The following VWA7 variants were observed in gnomAD, a reference collection of about 807,000 sequenced individuals.
VWA7 encodes the protein von Willebrand factor A domain-containing protein 7.
A neutral mutation model predicts 83.1 loss-of-function variants in VWA7; 66 were observed. The observed-to-expected ratio is 0.79, with a 90% CI of 0.65 to 0.98. The LOEUF (loss-of-function observed/expected upper bound fraction) is 0.98, where lower values mean the gene tolerates loss of function less well. VWA7 is among the 50% of genes least tolerant of loss of function. The pLI is 0.00. For missense variants in VWA7, 1,080 were observed against 1,160.2 expected, an observed-to-expected ratio of 0.93 and a Z score of 1.00; for synonymous variants, 424 against 488.5, an observed-to-expected ratio of 0.87 and a Z score of 1.74.
intron 4 of VWA7, 116 bp from the exon 5 acceptor site, chr6:31,774,742 G>A: frequency 1.3e-6 from 1 of 790,070 alleles, no homozygotes; most frequent in South Asian, 1.8e-5. Flanking sequence ...ACACCCAGAA[G>A]TTCCCTAGCA....
At position 31,769,247 on chromosome 6, in the gene VWA7, A is replaced by G. The variant is rs758230348; in HGVS notation, c.1318-44T>C. On this transcript the variant is annotated intron_variant, in intron 9 of 16. Coordinates refer to ENST00000375688, the MANE Select transcript of VWA7 (RefSeq NM_025258.3). This position sits in a 1 kb window ranked among gnomAD's most constrained non-coding sequence, Gnocchi z 4.5. ...TCAGTGATTGGGGTGTCCAAGTGCC[A>G]TCCACTATTATGAATGAGAATCCCT... 14 of 1,581,324 alleles carry G rather than the reference A, an allele frequency of 8.9e-6. No homozygotes were observed. The South Asian group carries it at 1.2e-4, about 14-fold the overall frequency.
chr6:31,770,614 G>A (rs1279678091), intron 7 of VWA7, among the ~76,000 whole-genome samples: 1 of 148,520 alleles, frequency 6.7e-6, no homozygotes, highest in Non-Finnish European at 1.5e-5. Flanking sequence ...GCAGGGCGGG[G>A]CAGGGCGGGG....
Position 31,769,672 on chromosome 6 carries a change from C to T in VWA7, c.1317+3G>A, listed in dbSNP as rs1811977522. ...CACTGGGTCTCCCACTAGCTCTGCT[C>T]ACCCGGCAGCGCCGCTCCTGAGTCA... On this transcript the variant is annotated splice_donor_region_variant and intron_variant, in intron 9 of 16. Transcript: ENST00000375688. The surrounding 1 kb of genome is among the most constrained non-coding windows in gnomAD (Gnocchi z 4.5). The T allele has an allele frequency of 6.2e-7, 1 of 1,611,652 alleles. No homozygotes were observed. The highest frequency in any genetic ancestry group is 2.2e-5 in the East Asian group (1 of 44,876).
chr6:31,767,323 G>A, intron 12 of VWA7, 39 bp downstream of exon 12: 2 of 1,613,228 alleles, frequency 1.2e-6, no homozygotes, highest in Non-Finnish European at 1.7e-6. Flanking sequence ...GAGGCCTGCA[G>A]TCTCTGCTTC....
chr6:31,774,449 C>T, intron 5 of VWA7, 67 bp downstream of exon 5: 4 of 1,479,476 alleles, frequency 2.7e-6, no homozygotes, highest in Non-Finnish European at 3.7e-6. Context: ...TACGGGCCTA[C>T]AGGACAGAGA....
At position 31,777,170 on chromosome 6, in the gene VWA7, A is replaced by G; in HGVS notation, c.-77T>C. 1 of 364,030 alleles carries G rather than the reference A, an allele frequency of 2.7e-6. No individual in the cohort carries two copies. The highest frequency in any genetic ancestry group is 5.0e-6 in the Non-Finnish European group (1 of 200,760). 22.5% of individuals were successfully genotyped at this position (364,030 alleles called of 1,614,324 possible). On this transcript the variant is annotated 5_prime_UTR_variant, in exon 1 of 17. Transcript: ENST00000375688. The surrounding 1 kb of genome is among the most constrained non-coding windows in gnomAD (Gnocchi z 5.8). ...CTTGACGTCACAGGGCACTTAGGTC[A>G]GAGTTATAATTAACCGAGGCTCAGC...
In VWA7 at chr6:31,775,271, TGG is replaced by T; in HGVS notation, c.610+60_610+61del. ...TCTGGGACTTCAGAATGTGACACAG[TGG>T]CTGGGTGGACTGAGGTGGCCCTGTG... On this transcript the variant is annotated intron_variant, in intron 4 of 16. Transcript: ENST00000375688. This position sits in a 1 kb window ranked among gnomAD's most constrained non-coding sequence, Gnocchi z 5.9. The T allele has an allele frequency of 2.1e-6, 3 of 1,411,602 alleles. No homozygotes were observed. In the Admixed American group the frequency reaches 6.0e-5, roughly 28 times the overall value. 87.4% of individuals were successfully genotyped at this position (1,411,602 alleles called of 1,614,324 possible).
chr6:31,777,282 A>G lies in VWA7; in HGVS notation c.-189T>C. The G allele has an allele frequency of 2.0e-6, 1 of 504,134 alleles. No individual in the cohort carries two copies. The highest frequency in any genetic ancestry group is 3.6e-6 in the Non-Finnish European group (1 of 281,622). The allele number at this position is 504,134 out of a possible 1,614,324, so 31.2% of individuals were successfully genotyped here. A position where few individuals can be genotyped will look rare whatever the true frequency, so the allele number is the denominator to read the frequency against. On this transcript the variant is annotated 5_prime_UTR_variant, in exon 1 of 17. Coordinates refer to ENST00000375688, the MANE Select transcript of VWA7 (RefSeq NM_025258.3). The surrounding 1 kb of genome is among the most constrained non-coding windows in gnomAD (Gnocchi z 5.8). ...CTGCCTGCCCAAAGCCACAGGCAGC[A>G]GCCCACGCCAGGGCGGGCCTCCCTT...
chr6:31,769,855 G>A lies in VWA7; in HGVS notation c.1201-64C>T. On this transcript the variant is annotated intron_variant, in intron 8 of 16. Transcript: ENST00000375688. This position sits in a 1 kb window ranked among gnomAD's most constrained non-coding sequence, Gnocchi z 4.5. ...TAGGAGGGGAATGGGTAGAGCCACG[G>A]AGGATGAAGCAGAAGGGAATATGGC... 6.5e-7 allele frequency: 1 copy of A among 1,535,982 alleles called. No homozygotes were observed. The highest frequency in any genetic ancestry group is 1.1e-5 in the South Asian group (1 of 89,342).
In VWA7 at chr6:31,773,384, C is replaced by G. The variant is rs62395824; in HGVS notation, c.775G>C (p.Gly259Arg). Residue 259 changes from glycine to arginine, a missense_variant, in exon 6 of 17, where the codon GGA (glycine) becomes CGA (arginine). By Grantham distance (125) the Gly-to-Arg change is moderately radical. Transcript: ENST00000375688. The surrounding 1 kb of genome is among the most constrained non-coding windows in gnomAD (Gnocchi z 5.3). ...GATGTGCTGTCCTTGTTGATGCCTC[C>G]CCTCGGTGGCTGGGAGCTGCTCCGG... ...FDRSSSQPPR[G>R]GINKDSTSPG... 2 of 1,606,352 alleles carry G rather than the reference C, an allele frequency of 1.2e-6. No individual in the cohort carries two copies. The highest frequency in any genetic ancestry group is 2.2e-5 in the East Asian group (1 of 44,728).
Position 31,769,653 on chromosome 6 carries a change from G to GCA in VWA7, c.1317+21_1317+22insTG, listed in dbSNP as rs1401081530. On this transcript the variant is annotated intron_variant, in intron 9 of 16. Coordinates refer to ENST00000375688, the MANE Select transcript of VWA7 (RefSeq NM_025258.3). The surrounding 1 kb of genome is among the most constrained non-coding windows in gnomAD (Gnocchi z 4.5). The stretch of plus-strand genomic sequence containing the variant: ...CACATCCCTGGGAGGCTAACACTGG[G>GCA]TCTCCCACTAGCTCTGCTCACCCGG... 2 of 1,595,166 alleles carry GCA rather than the reference G, an allele frequency of 1.3e-6. No individual in the cohort carries two copies. The highest frequency in any genetic ancestry group is 2.7e-5 in the African/African-American group (2 of 74,552).
At position 31,775,314 on chromosome 6, in the gene VWA7, A is replaced by G. The variant is rs573140478; in HGVS notation, c.610+19T>C. The G allele has an allele frequency of 6.2e-7, 1 of 1,602,968 alleles. No individual in the cohort carries two copies. Among genetic ancestry groups the G allele is most frequent in the Non-Finnish European group, 8.5e-7 (1 of 1,174,094 alleles). ...TGGCCCTGTGGACTCCTGCCTCACCACCAGGGTCACAGCCATACCTTGTGC... is the reference window on the plus strand; with the variant it reads ...TGGCCCTGTGGACTCCTGCCTCACCGCCAGGGTCACAGCCATACCTTGTGC... On this transcript the variant is annotated intron_variant, in intron 4 of 16. Transcript: ENST00000375688. This position sits in a 1 kb window ranked among gnomAD's most constrained non-coding sequence, Gnocchi z 5.9.
chr6:31,772,925 C>A (rs759101011), intron 7 of VWA7, 29 bp downstream of exon 7: 26 of 1,595,878 alleles, frequency 1.6e-5, no homozygotes, highest in Non-Finnish European at 2.2e-5. Context: ...TTTTCCTCCC[C>A]TCTACTGTCC....
In VWA7 at chr6:31,775,872, A is replaced by C; in HGVS notation, c.513+92T>G. On this transcript the variant is annotated intron_variant, in intron 3 of 16. Transcript: ENST00000375688. This position sits in a 1 kb window ranked among gnomAD's most constrained non-coding sequence, Gnocchi z 5.9. ...GCCCACCCCTTCCAGAGTGGAGGAG[A>C]CATGATCAAGAAGGCACCATAGGAC... 2.7e-6 allele frequency: 4 copies of C among 1,507,790 alleles called. No individual in the cohort carries two copies. In the South Asian group the frequency reaches 5.2e-5, roughly 20 times the overall value. 93.4% of individuals were successfully genotyped at this position (1,507,790 alleles called of 1,614,324 possible). A position where few individuals can be genotyped will look rare whatever the true frequency, so the allele number is the denominator to read the frequency against.
chr6:31,767,325 C>T, intron 12 of VWA7, 37 bp downstream of exon 12: 1 of 1,612,916 alleles, frequency 6.2e-7, no homozygotes, highest in Non-Finnish European at 8.5e-7. Context: ...GGCCTGCAGT[C>T]TCTGCTTCCC....
In VWA7 at chr6:31,775,978, G is replaced by T; in HGVS notation, c.499C>A (p.Leu167Ile). The T allele has an allele frequency of 6.2e-7, 1 of 1,610,824 alleles. No homozygotes were observed. The highest frequency in any genetic ancestry group is 8.5e-7 in the Non-Finnish European group (1 of 1,179,046). Residue 167 changes from leucine (L) to isoleucine (I), a missense_variant, in exon 3 of 17, where the codon CTT (leucine) becomes ATT (isoleucine). Coordinates refer to ENST00000375688, the MANE Select transcript of VWA7 (RefSeq NM_025258.3). This position sits in a 1 kb window ranked among gnomAD's most constrained non-coding sequence, Gnocchi z 5.9. ...CCTGTTCTCACCTGCAGGGCATGAA[G>T]TGCAGCCCCGAGGCGCTGGCGAGCC... ...TLARQRLGAA[L>I]HALQDFYSHS...
intron 7 of VWA7, among the ~76,000 whole-genome samples, chr6:31,772,009 A>G (rs1010160448): frequency 3.3e-5 from 5 of 151,568 alleles, no homozygotes; most frequent in Admixed American, 6.6e-5. Flanking sequence ...AAAAAAAAAA[A>G]AAAAAAAGAA....
Position 31,766,112 on chromosome 6 carries a change from CG to C in VWA7, c.2325-56del. 1 of 1,602,884 alleles carries C rather than the reference CG, an allele frequency of 6.2e-7. No homozygotes were observed. On this transcript the variant is annotated intron_variant, in intron 15 of 16. Coordinates refer to ENST00000375688, the MANE Select transcript of VWA7 (RefSeq NM_025258.3). This position sits in a 1 kb window ranked among gnomAD's most constrained non-coding sequence, Gnocchi z 4.9. ...CTCCAGGCTGCCCAGAGCCTAGAGT[CG>C]GGACGCCTGCAGGGGCACGGGAGCG... is the stretch of plus-strand genomic sequence containing the variant.
At position 31,770,122 on chromosome 6, in the gene VWA7, G is replaced by A. The variant is rs769715698; in HGVS notation, c.1088-9C>T. 3.1e-6 allele frequency: 5 copies of A among 1,610,218 alleles called. No homozygotes were observed. Among genetic ancestry groups the A allele is most frequent in the Admixed American group, 3.3e-5 (2 of 59,924 alleles). ...AAAGACAGGGCCGAACCCTGGGAAG[G>A]GGAAAGGAGGTTAAGATAAGTGAGG... On this transcript the variant is annotated splice_polypyrimidine_tract_variant and intron_variant, in intron 7 of 16. Transcript: ENST00000375688.
Sources: gnomAD v4.1 joint callset for allele counts (sites outside exome capture counted in the v4.1 genomes callset) on GRCh38, gnomAD v4.1.1 for gene constraint, Gnocchi (gnomAD v3.1) non-coding constraint, MANE v1.5 for transcripts, NCBI Gene and HGNC (gene_info 2026-07-23, HGNC 2026-07-21) for gene names.